Variants in GPR155 observed in about 807,000 individuals in gnomAD.
GPR155 encodes the protein G protein-coupled receptor 155, also known as lysosomal cholesterol signaling protein.
Under a neutral mutation model 93.1 loss-of-function variants are expected in GPR155, and 65 were observed. That is an observed-to-expected ratio of 0.70 (90% CI 0.57 to 0.86). The LOEUF (loss-of-function observed/expected upper bound fraction) is 0.86. Ranked by LOEUF, GPR155 falls within the 40% of genes least tolerant of loss-of-function variation. The pLI is 0.00. For missense variants in GPR155, 838 were observed against 1,034.8 expected (o/e 0.81, Z 2.61); for synonymous variants, 319 against 360.1 (o/e 0.89, Z 1.29).
At chr2:174,479,860 G>C (rs1383811567) in intron 2 of GPR155, among the ~76,000 whole-genome samples, 7 of 152,076 alleles carry the variant, frequency 4.6e-5, no homozygotes, top group Non-Finnish European at 7.4e-5. Context: ...TAACCTTAAA[G>C]GAACACCTAT....
In GPR155 at chr2:174,440,162, C is replaced by T. The variant is rs1686913374; in HGVS notation, c.2175-127G>A. ...ATCACCAAAGCTGTCATCTACAATA[C>T]CCAGACATCGTTAGTCTCAGAAGCA... is the stretch of plus-strand genomic sequence containing the variant. On this transcript the variant is annotated intron_variant, in intron 14 of 15. Coordinates refer to ENST00000392552, the MANE Select transcript of GPR155 (RefSeq NM_152529.7). 4 of 675,844 alleles carry T rather than the reference C, an allele frequency of 5.9e-6. No homozygotes were observed. In the Admixed American group the frequency reaches 9.6e-5, roughly 16 times the overall value. 41.9% of individuals were successfully genotyped at this position (675,844 alleles called of 1,614,324 possible).
intron 12 of GPR155, among the ~76,000 whole-genome samples, chr2:174,445,776 T>C (rs958023634): frequency 6.6e-6 from 1 of 152,224 alleles, no homozygotes; most frequent in Non-Finnish European, 1.5e-5. Context: ...AAATACTGTA[T>C]TTTAATTTTC....
chr2:174,449,833 G>A (rs1239957233), intron 11 of GPR155, among the ~76,000 whole-genome samples: 7 of 152,066 alleles, frequency 4.6e-5, no homozygotes, highest in East Asian at 1.9e-4. Flanking sequence ...AAAATTAGCC[G>A]GGCATGGTGG....
At chr2:174,448,006 T>G (rs1170227231) in intron 11 of GPR155, among the ~76,000 whole-genome samples, 1 of 152,030 alleles carries the variant, frequency 6.6e-6, no homozygotes, top group Non-Finnish European at 1.5e-5. Flanking sequence ...AACCTCTCAT[T>G]AAAGAGTTTA....
intron 11 of GPR155, among the ~76,000 whole-genome samples, chr2:174,447,668 A>G (rs1367631757): frequency 6.8e-6 from 1 of 146,650 alleles, no homozygotes; most frequent in East Asian, 1.9e-4. Context: ...TAGATATTAT[A>G]TATATCCTAA....
In GPR155 at chr2:174,436,295, C is replaced by T; in HGVS notation, c.2434G>A (p.Gly812Arg). The T allele has an allele frequency of 6.2e-7, 1 of 1,614,176 alleles. No individual in the cohort carries two copies. The highest frequency in any genetic ancestry group is 8.5e-7 in the Non-Finnish European group (1 of 1,180,000). ...AVIYGDRLVQ[G>R]GVIQHITNEY... The stretch of plus-strand genomic sequence containing the variant: ...TTGGTAATATGTTGGATGACTCCCC[C>T]TTGTACCAGCCTGTCTCCGTATATC... The change falls in exon 16 of 16, where the codon GGG becomes AGG. Residue 812 changes from glycine (G) to arginine (R), a missense_variant. By Grantham distance (125) the Gly-to-Arg change is moderately radical. This residue lies in a region of GPR155 where 146 missense variants were observed against 177.5 expected (regional missense o/e 0.82). Transcript: ENST00000392552.
rs1045742513 is a variant in GPR155 at position 174,481,488 on chromosome 2, T to C, written c.460+9A>G. 6.8e-6 allele frequency: 10 copies of C among 1,465,584 alleles called. No individual in the cohort carries two copies. In the African/African-American group the frequency reaches 1.4e-4, roughly 21 times the overall value. 90.8% of individuals were successfully genotyped at this position (1,465,584 alleles called of 1,614,324 possible). A position where few individuals can be genotyped will look rare whatever the true frequency, so the allele number is the denominator to read the frequency against. On this transcript the variant is annotated intron_variant, in intron 2 of 15. Transcript: ENST00000392552. ...TTTTTAAACACTTGAAAAATAAAAATTAACTTACCTATAGGGTATCCCAAT... is the reference window on the plus strand; with the variant it reads ...TTTTTAAACACTTGAAAAATAAAAACTAACTTACCTATAGGGTATCCCAAT...
intron 11 of GPR155, among the ~76,000 whole-genome samples, chr2:174,452,649 C>CTT (rs142067219): frequency 6.6e-6 from 1 of 151,340 alleles, no homozygotes; most frequent in African/African-American, 2.4e-5. Flanking sequence ...AAGGTTATTA[C>CTT]TTTTTTTTTC....
chr2:174,471,468 TAAAAA>T (rs10581991), intron 3 of GPR155, among the ~76,000 whole-genome samples: 1 of 130,266 alleles, frequency 7.7e-6, no homozygotes. Context: ...TTCATCTTTG[TAAAAA>T]AAAAAAAAAA....
At chr2:174,457,560 G>A (rs983562224) in intron 10 of GPR155, among the ~76,000 whole-genome samples, 4 of 152,138 alleles carry the variant, frequency 2.6e-5, no homozygotes, top group Non-Finnish European at 4.4e-5. Flanking sequence ...TGGTTCAAGC[G>A]ATTCTTCTGC....
At chr2:174,484,960 A>G (rs988990439) in intron 1 of GPR155, among the ~76,000 whole-genome samples, 4 of 152,200 alleles carry the variant, frequency 2.6e-5, no homozygotes, top group Non-Finnish European at 4.4e-5. Flanking sequence ...AATATTTTAT[A>G]TACAGCTTAT....
intron 3 of GPR155, among the ~76,000 whole-genome samples, chr2:174,471,114 A>G (rs1334131463): frequency 1.3e-5 from 2 of 151,996 alleles, no homozygotes; most frequent in Admixed American, 1.3e-4. Context: ...TCCTGCCGGC[A>G]TGGTGGCTCA....
intron 1 of GPR155, among the ~76,000 whole-genome samples, chr2:174,482,555 C>CA (rs953584054): frequency 2.0e-5 from 3 of 152,072 alleles, no homozygotes; most frequent in African/African-American, 7.2e-5. Context: ...AAACCAATAA[C>CA]TTTTTTTTCT....
rs1260633708 is a variant in GPR155 at position 174,481,914 on chromosome 2, T to C, written c.43A>G (p.Asn15Asp). 5 of 1,614,024 alleles carry C rather than the reference T, an allele frequency of 3.1e-6. No homozygotes were observed. In the South Asian group the frequency reaches 5.5e-5, roughly 18 times the overall value. Reference protein sequence around the residue: ...LPAENLTIAVNMTKTLPTAVT... With the variant: ...LPAENLTIAVDMTKTLPTAVT... ...GCTGTAGGCAAAGTCTTGGTCATAT[T>C]GACTGCAATGGTTAAGTTCTCTGCA... The change falls in exon 2 of 16, where the codon AAT becomes GAT. Residue 15 changes from asparagine (N) to aspartate (D), a missense_variant. Around this residue, in one of 3 missense-constraint regions of GPR155, gnomAD observed 663 missense variants for 790.1 expected, o/e 0.84. Coordinates refer to ENST00000392552, the MANE Select transcript of GPR155 (RefSeq NM_152529.7).
At chr2:174,447,064 C>T (rs528680268) in intron 11 of GPR155, among the ~76,000 whole-genome samples, 46 of 151,836 alleles carry the variant, frequency 3.0e-4, no homozygotes, top group South Asian at 1.9e-3. Context: ...TGCCTGGGTG[C>T]GGTGGCTCAT....
intron 1 of GPR155, among the ~76,000 whole-genome samples, 191 bp from the exon 2 acceptor site, chr2:174,482,178 G>A (rs570768810): frequency 6.6e-6 from 1 of 152,182 alleles, no homozygotes; most frequent in African/African-American, 2.4e-5. Flanking sequence ...AAAAAAAAGT[G>A]GGGGGTTGCT....
chr2:174,466,490 AG>A, intron 6 of GPR155, 53 bp downstream of exon 6: 1 of 968,074 alleles, frequency 1.0e-6, no homozygotes, highest in Non-Finnish European at 1.6e-6. Context: ...TCTCCTCTAC[AG>A]TAGAATAATC....
chr2:174,441,272 T>A (rs1327695529), intron 14 of GPR155, among the ~76,000 whole-genome samples: 1 of 152,060 alleles, frequency 6.6e-6, no homozygotes, highest in Non-Finnish European at 1.5e-5. Flanking sequence ...TTATGTACCA[T>A]CATTTGGACA....
At chr2:174,439,266 A>G (rs1686882061) in intron 15 of GPR155, among the ~76,000 whole-genome samples, 1 of 152,112 alleles carries the variant, frequency 6.6e-6, no homozygotes, top group Admixed American at 6.5e-5. Flanking sequence ...TTTCTCTTTT[A>G]TGACAAAGAG....
Sources: allele counts gnomAD v4.1 joint callset (sites outside exome capture counted in the v4.1 genomes callset), GRCh38; gene constraint gnomAD v4.1.1; regional missense constraint gnomAD v4.1.1; transcripts MANE v1.5; gene names NCBI Gene and HGNC (gene_info 2026-07-23, HGNC 2026-07-21).